The following TAOK1 variants were observed in gnomAD, a reference collection of about 807,000 sequenced individuals.
TAOK1 encodes TAO kinase 1, also known as serine/threonine-protein kinase TAO1.
TAOK1 carries 21 observed loss-of-function variants against 138.3 expected under a neutral mutation model. The observed-to-expected ratio is 0.15, with a 90% CI of 0.11 to 0.22. The LOEUF (loss-of-function observed/expected upper bound fraction) is 0.22. TAOK1 is among the 10% of genes least tolerant of loss of function. TAOK1 has a pLI of 1.00. For missense variants in TAOK1, 651 were observed against 1,227.7 expected (o/e 0.53, Z 7.02); for synonymous variants, 361 against 398.4 (o/e 0.91, Z 1.12).
At chr17:29,457,160 C>T (rs2030403175) in intron 2 of TAOK1, among the ~76,000 whole-genome samples, 1 of 132,604 alleles carries the variant, frequency 7.5e-6, no homozygotes, top group South Asian at 2.4e-4. Context: ...AGTGCGGTGG[C>T]ATGATCCTGG....
At chr17:29,504,332 AAGAG>A (rs1403188796) in intron 13 of TAOK1, among the ~76,000 whole-genome samples, 1 of 149,778 alleles carries the variant, frequency 6.7e-6, no homozygotes, top group African/African-American at 2.4e-5. Context: ...GAAAGAAAAG[AAGAG>A]AGAGAGAAAA....
At chr17:29,391,574 C>CA (rs1238228509) in intron 1 of TAOK1, among the ~76,000 whole-genome samples, 1 of 152,184 alleles carries the variant, frequency 6.6e-6, no homozygotes, top group Non-Finnish European at 1.5e-5. Flanking sequence ...TACACAGACC[C>CA]ATGTATACAC....
At chr17:29,397,672 T>TATACATGCATACATGTATATTCATGTCTG (rs1904678028) in intron 1 of TAOK1, among the ~76,000 whole-genome samples, 1 of 59,614 alleles carries the variant, frequency 1.7e-5, no homozygotes, top group African/African-American at 7.3e-5. Context: ...ATGATACATG[T>TATACATGCATACATGTATATTCATGTCTG]ATACATGTAT....
At chr17:29,520,408 C>T (rs943568153) in intron 16 of TAOK1, among the ~76,000 whole-genome samples, 6 of 151,464 alleles carry the variant, frequency 4.0e-5, no homozygotes, top group Admixed American at 3.3e-4. Flanking sequence ...TGGGCAACAT[C>T]GCAAGACCCT....
intron 19 of TAOK1, among the ~76,000 whole-genome samples, chr17:29,539,032 G>A (rs951874137): frequency 7.2e-5 from 11 of 152,216 alleles, no homozygotes; most frequent in Non-Finnish European, 1.0e-4. Context: ...CGAGTGGGGC[G>A]GATCACTTGG....
chr17:29,423,373 GC>G lies in TAOK1; in HGVS notation c.-94-28079del, dbSNP rs1416232423. Among the ~76,000 whole-genome samples, 6 of 151,390 alleles carry G rather than the reference GC, an allele frequency of 4.0e-5. No homozygotes were observed. In the East Asian group the frequency reaches 7.9e-4, roughly 20 times the overall value. On this transcript the variant is annotated intron_variant, in intron 1 of 19. Transcript: ENST00000261716. ...TGGGACTACAGGTGCCCGCCACCAC[GC>G]CCGGCTAATTTTTTTCTATTTTTTA... is the stretch of plus-strand genomic sequence containing the variant.
chr17:29,496,175 A>G (rs1157756876), intron 11 of TAOK1, among the ~76,000 whole-genome samples: 2 of 152,134 alleles, frequency 1.3e-5, no homozygotes, highest in East Asian at 1.9e-4. Flanking sequence ...ATCTCGGCTC[A>G]CTGCAACCTC....
chr17:29,489,776 T>C lies in TAOK1; in HGVS notation c.749+19T>C, dbSNP rs1196310868. ...ATGAATGGTGAGTATTGTTAATATATATATTGCTCAGTGTTGAATAAATGA... is the reference window on the plus strand; with the variant it reads ...ATGAATGGTGAGTATTGTTAATATACATATTGCTCAGTGTTGAATAAATGA... On this transcript the variant is annotated intron_variant, in intron 9 of 19. Coordinates refer to ENST00000261716, the MANE Select transcript of TAOK1 (RefSeq NM_020791.4). 22 of 1,511,880 alleles carry C rather than the reference T, an allele frequency of 1.5e-5. No individual in the cohort carries two copies. The highest frequency in any genetic ancestry group is 1.8e-5 in the Non-Finnish European group (20 of 1,109,236). 93.7% of individuals were successfully genotyped at this position (1,511,880 alleles called of 1,614,324 possible). A position where few individuals can be genotyped will look rare whatever the true frequency, so the allele number is the denominator to read the frequency against.
chr17:29,521,740 G>A (rs1332801373), intron 16 of TAOK1, among the ~76,000 whole-genome samples: 1 of 152,124 alleles, frequency 6.6e-6, no homozygotes, highest in East Asian at 1.9e-4. Flanking sequence ...CCGCCACAAC[G>A]CCTGGCTAAT....
chr17:29,410,635 G>GTTTTTTTTTTT (rs1207404073), intron 1 of TAOK1, among the ~76,000 whole-genome samples: 2 of 136,894 alleles, frequency 1.5e-5, no homozygotes, highest in African/African-American at 5.5e-5. Flanking sequence ...TTTTTTTTTG[G>GTTTTTTTTTTT]TTTTTTTTTT....
chr17:29,515,487 C>T (rs750250291), intron 15 of TAOK1, among the ~76,000 whole-genome samples: 1 of 152,118 alleles, frequency 6.6e-6, no homozygotes, highest in Non-Finnish European at 1.5e-5. Flanking sequence ...AAAAGATACA[C>T]ATGTTTTCTG....
Position 29,502,005 on chromosome 17 carries a change from A to G in TAOK1, c.1204-584A>G, listed in dbSNP as rs192033196. On this transcript the variant is annotated intron_variant, in intron 12 of 19. Coordinates refer to ENST00000261716, the MANE Select transcript of TAOK1 (RefSeq NM_020791.4). ...TGAGCCATTGAGTGTTTACCACTGC[A>G]CTCCAACCTGGGTGACAAAGCGAGA... 2.7e-3 allele frequency among the ~76,000 whole-genome samples: 418 copies of G among 152,250 alleles called. 3 individuals are homozygous for G. Among genetic ancestry groups the G allele is most frequent in the Non-Finnish European group, 4.2e-3 (288 of 67,998 alleles).
At chr17:29,494,741 G>A (rs899326517) in intron 10 of TAOK1, among the ~76,000 whole-genome samples, 7 of 150,946 alleles carry the variant, frequency 4.6e-5, no homozygotes, top group African/African-American at 1.7e-4. Context: ...CGGGAGAATG[G>A]TGTGAACCCG....
intron 1 of TAOK1, among the ~76,000 whole-genome samples, chr17:29,418,598 A>C (rs575109451): frequency 2.6e-5 from 4 of 152,304 alleles, no homozygotes; most frequent in South Asian, 2.1e-4. Flanking sequence ...AGTCACTTAT[A>C]TAAGATGATG....
chr17:29,403,171 A>AAG (rs1904898752), intron 1 of TAOK1, among the ~76,000 whole-genome samples: 1 of 150,948 alleles, frequency 6.6e-6, no homozygotes, highest in Admixed American at 6.6e-5. Flanking sequence ...AAAAAAAAAA[A>AAG]AAAAAAAAAA....
intron 1 of TAOK1, among the ~76,000 whole-genome samples, chr17:29,449,698 G>A (rs1026402966): frequency 3.3e-5 from 5 of 151,802 alleles, no homozygotes; most frequent in South Asian, 2.1e-4. Context: ...AAAATTAGCC[G>A]GGGGCGGTGG....
At position 29,452,499 on chromosome 17, in the gene TAOK1, C is replaced by T. The variant is rs1476100091; in HGVS notation, c.132+819C>T. Among the ~76,000 whole-genome samples the T allele has an allele frequency of 4.6e-5, 7 of 152,076 alleles. No homozygotes were observed. In the East Asian group the frequency reaches 9.7e-4, roughly 21 times the overall value. ...TTTCTTTTATATGCATTTGTGTGTG[C>T]GTGTGAATTAAAAAAACTTATCAAA... On this transcript the variant is annotated intron_variant, in intron 2 of 19. Coordinates refer to ENST00000261716, the MANE Select transcript of TAOK1 (RefSeq NM_020791.4).
intron 18 of TAOK1, among the ~76,000 whole-genome samples, chr17:29,531,274 T>TTTA (rs1567746529): frequency 1.1e-4 from 16 of 151,062 alleles, no homozygotes; most frequent in Non-Finnish European, 2.1e-4. Flanking sequence ...GCTACAAATT[T>TTTA]TTTATTTATT....
At chr17:29,471,320 G>A (rs1430031831) in intron 3 of TAOK1, among the ~76,000 whole-genome samples, 5 of 108,276 alleles carry the variant, frequency 4.6e-5, no homozygotes, top group Admixed American at 1.4e-4. Flanking sequence ...TCACTCTGTC[G>A]CCAGGCTGGA....
Sources: allele counts gnomAD v4.1 joint callset (sites outside exome capture counted in the v4.1 genomes callset), GRCh38; gene constraint gnomAD v4.1.1; transcripts MANE v1.5; gene names NCBI Gene and HGNC (gene_info 2026-07-23, HGNC 2026-07-21).